C7orf57: variants seen among roughly 807,000 people sequenced by gnomAD.
C7orf57 encodes the protein chromosome 7 open reading frame 57, also known as uncharacterized protein C7orf57.
In C7orf57, 33 loss-of-function variants were observed where a neutral mutation model predicts 39.0. That is an observed-to-expected ratio of 0.85 (90% CI 0.64 to 1.13). The LOEUF (loss-of-function observed/expected upper bound fraction) is 1.13, where lower values mean the gene tolerates loss of function less well. C7orf57 is among the 50% of genes most tolerant of loss of function. The pLI is 0.00. For synonymous variants in C7orf57, 124 were observed against 137.1 expected, an observed-to-expected ratio of 0.90 and a Z score of 0.67; for missense variants, 346 against 362.3, an observed-to-expected ratio of 0.95 and a Z score of 0.37.
At chr7:48,058,493 A>G (rs1791193666) in intron 8 of C7orf57, among the ~76,000 whole-genome samples, 1 of 152,140 alleles carries the variant, frequency 6.6e-6, no homozygotes, top group Admixed American at 6.5e-5. Flanking sequence ...TTGGTGTATA[A>G]TCCTTCACAG....
intron 4 of C7orf57, among the ~76,000 whole-genome samples, chr7:48,045,391 G>C (rs1300110821): frequency 1.3e-5 from 2 of 152,082 alleles, no homozygotes; most frequent in Non-Finnish European, 2.9e-5. Flanking sequence ...TTTCACACCT[G>C]TGCTCCCTGA....
intron 6 of C7orf57, 53 bp downstream of exon 6, chr7:48,050,030 T>C: frequency 8.0e-7 from 1 of 1,250,930 alleles, no homozygotes; most frequent in Non-Finnish European, 1.2e-6. Flanking sequence ...GGTTTGGCCT[T>C]CCGTCTTTCA....
chr7:48,052,744 T>C lies in C7orf57; in HGVS notation c.650T>C (p.Ile217Thr), dbSNP rs780345359. Residue 217 changes from isoleucine (I) to threonine (T), a missense_variant, in exon 7 of 9, where the codon ATT becomes ACT. Physicochemically the swap from Ile to Thr is moderately conservative, Grantham distance 89. Transcript: ENST00000348904. Reference protein sequence around the residue: ...NSSPTNFSKLISNGYKDEWLQ... With the variant: ...NSSPTNFSKLTSNGYKDEWLQ... Reference sequence around the variant, plus strand: ...TCACCTACCAATTTTTCCAAACTCATTAGCAATGGTTATAAGGATGAGTGG... The same window carrying C: ...TCACCTACCAATTTTTCCAAACTCACTAGCAATGGTTATAAGGATGAGTGG... The C allele has an allele frequency of 6.2e-7, 1 of 1,613,886 alleles. No individual in the cohort carries two copies. Among genetic ancestry groups the C allele is most frequent in the South Asian group, 1.1e-5 (1 of 91,082 alleles).
chr7:48,041,410 CAGCA>C lies in C7orf57; in HGVS notation c.134_137del (p.Ser45IlefsTer18), dbSNP rs763237753. ...CACCAGCGTCCCAGATCCCAGGTCT[CAGCA>C]ATTTGGGAGACTCACACAGCGAGAA... On this transcript the variant is annotated frameshift_variant, in exon 3 of 9. Transcript: ENST00000348904. LOFTEE classifies it high-confidence loss of function. The C allele has an allele frequency of 1.2e-6, 2 of 1,613,992 alleles. No homozygotes were observed. Among genetic ancestry groups the C allele is most frequent in the Non-Finnish European group, 8.5e-7 (1 of 1,179,898 alleles).
intron 6 of C7orf57, among the ~76,000 whole-genome samples, chr7:48,051,809 T>TCCTTCCTTTTCTCTTCTCTTCTCTTCTC (rs1554299741): frequency 1.1e-4 from 9 of 83,786 alleles, no homozygotes; most frequent in African/African-American, 2.5e-4. Flanking sequence ...CTTCCTTCCT[T>TCCTTCCTTTTCTCTTCTCTTCTCTTCTC]TTCTCTTCTC....
chr7:48,051,758 C>CTTTCTTTCTTTCTTTCT (rs1790903157), intron 6 of C7orf57, among the ~76,000 whole-genome samples: 3 of 22,424 alleles, frequency 1.3e-4, no homozygotes, highest in East Asian at 1.3e-3. Flanking sequence ...TCTTTTCTTT[C>CTTTCTTTCTTTCTTTCT]TTTCTTTCTT....
Position 48,044,051 on chromosome 7 carries a change from C to T in C7orf57, c.350+462C>T, listed in dbSNP as rs543388507. ...GAAGCTGTGGGTCACGGAAGAGAAC[C>T]GTGGAACCCAGCGACTAGTGTTCGG... On this transcript the variant is annotated intron_variant, in intron 4 of 8. Transcript: ENST00000348904. Among the ~76,000 whole-genome samples the T allele has an allele frequency of 3.8e-3, 582 of 152,208 alleles. 1 individual carries two copies. The highest frequency in any genetic ancestry group is 0.031 in the Middle Eastern group (9 of 294).
chr7:48,042,481 G>A (rs988887484), intron 3 of C7orf57, among the ~76,000 whole-genome samples: 3 of 152,130 alleles, frequency 2.0e-5, no homozygotes, highest in Non-Finnish European at 2.9e-5. Context: ...CATTGTGTCT[G>A]CAACGCGCTG....
chr7:48,052,707 CA>C lies in C7orf57; in HGVS notation c.620del (p.Asn207ThrfsTer92), dbSNP rs775739111. On this transcript the variant is annotated frameshift_variant, in exon 7 of 9. Transcript: ENST00000348904. LOFTEE classifies it high-confidence loss of function. The stretch of plus-strand genomic sequence containing the variant: ...ACTTTTACTCTTTTTAAGGCCTGGT[CA>C]AAAAAACAGTTCACCTACCAATTTT... ...SRLSFPPVPG[Q>X]KNSSPTNFSK... 1.9e-6 allele frequency: 3 copies of C among 1,613,356 alleles called. No homozygotes were observed. Among genetic ancestry groups the C allele is most frequent in the East Asian group, 4.5e-5 (2 of 44,868 alleles).
chr7:48,046,975 T>C (rs1247501638), intron 5 of C7orf57, among the ~76,000 whole-genome samples: 1 of 152,234 alleles, frequency 6.6e-6, no homozygotes, highest in Non-Finnish European at 1.5e-5. Context: ...ATTTAAGTAT[T>C]AAGAGTTTTC....
At chr7:48,050,043 C>T (rs955418204) in intron 6 of C7orf57, 66 bp downstream of exon 6, 37 of 1,048,158 alleles carry the variant, frequency 3.5e-5, no homozygotes, top group East Asian at 1.9e-4. Context: ...GTCTTTCATC[C>T]GGTGATGACT....
chr7:48,044,998 C>G (rs1376677769), intron 4 of C7orf57, among the ~76,000 whole-genome samples: 1 of 152,132 alleles, frequency 6.6e-6, no homozygotes, highest in Non-Finnish European at 1.5e-5. Flanking sequence ...TCTTCCCTTC[C>G]TTCTGCTTTT....
rs543839415 is a variant in C7orf57 at position 48,054,618 on chromosome 7, T to C, written c.841+12T>C. The stretch of plus-strand genomic sequence containing the variant: ...AGAGTCTTCTCAAAGTGAGTACTTA[T>C]AAAGTAACCAGCACCAAAACACAAA... On this transcript the variant is annotated intron_variant, in intron 8 of 8. Transcript: ENST00000348904. 1.3e-6 allele frequency: 2 copies of C among 1,548,984 alleles called. No individual in the cohort carries two copies. Among genetic ancestry groups the C allele is most frequent in the South Asian group, 2.4e-5 (2 of 83,958 alleles).
chr7:48,039,211 A>T (rs1345727476), intron 2 of C7orf57, among the ~76,000 whole-genome samples: 1 of 152,202 alleles, frequency 6.6e-6, no homozygotes, highest in Admixed American at 6.5e-5. Flanking sequence ...ATGTCAAAGA[A>T]GTCTATATTG....
chr7:48,041,317 G>A lies in C7orf57; in HGVS notation c.56-17G>A, dbSNP rs770090055. On this transcript the variant is annotated splice_polypyrimidine_tract_variant and intron_variant, in intron 2 of 8. Coordinates refer to ENST00000348904, the MANE Select transcript of C7orf57 (RefSeq NM_001100159.3). ...ACACACAGCAACAGTGTGGCCCTCC[G>A]CCTCTCTCCTCTATAGATTGGTATT... The A allele has an allele frequency of 5.0e-6, 8 of 1,597,914 alleles. No individual in the cohort carries two copies. Among genetic ancestry groups the A allele is most frequent in the Non-Finnish European group, 6.8e-6 (8 of 1,170,004 alleles).
Sources: allele counts gnomAD v4.1 joint callset (sites outside exome capture counted in the v4.1 genomes callset), GRCh38; gene constraint gnomAD v4.1.1; transcripts MANE v1.5; gene names NCBI Gene and HGNC (gene_info 2026-07-23, HGNC 2026-07-21).